EPCIP: variants seen among roughly 807,000 people sequenced by gnomAD.
The protein encoded by EPCIP is exosomal polycystin 1 interacting protein, also known as exosomal polycystin-1-interacting protein.
At chr21:32,791,908 C>CTT in the EPCIP span, among the ~76,000 whole-genome samples, 2 of 143,220 alleles carry the variant, frequency 1.4e-5, no homozygotes, top group African/African-American at 5.1e-5. Context: ...TTTTTCTTTT[C>CTT]TTTTTTTTTT....
the EPCIP span, among the ~76,000 whole-genome samples, chr21:32,805,360 A>ATT: frequency 4.8e-3 from 713 of 149,756 alleles, 4 homozygotes; most frequent in East Asian, 0.012. Context: ...TGTAGATTAT[A>ATT]TTTTTTTTTT....
the EPCIP span, among the ~76,000 whole-genome samples, chr21:32,801,141 C>A: frequency 3.3e-5 from 5 of 152,076 alleles, no homozygotes; most frequent in Non-Finnish European, 5.9e-5. Flanking sequence ...AGGCTGAATC[C>A]CTGAATGATT....
the EPCIP span, chr21:32,796,945 AT>A: frequency 4.2e-6 from 2 of 470,634 alleles, no homozygotes; most frequent in African/African-American, 4.0e-5. Flanking sequence ...TCAGGTGCTG[AT>A]CCTTTTAGAG....
the EPCIP span, among the ~76,000 whole-genome samples, chr21:32,802,368 C>T: frequency 6.6e-6 from 1 of 152,262 alleles, no homozygotes; most frequent in South Asian, 2.1e-4. Flanking sequence ...GCTTGCAAAC[C>T]TCCTGTGAGG....
At chr21:32,812,001 A>G in the EPCIP span, among the ~76,000 whole-genome samples, 5 of 152,310 alleles carry the variant, frequency 3.3e-5, no homozygotes, top group African/African-American at 1.2e-4. Flanking sequence ...TGGAATTCCC[A>G]GTCTCCAGAA....
At chr21:32,803,361 G>A in the EPCIP span, among the ~76,000 whole-genome samples, 2 of 152,208 alleles carry the variant, frequency 1.3e-5, no homozygotes, top group African/African-American at 4.8e-5. Context: ...GGAGTGTGGG[G>A]TGGAGACCCA....
chr21:32,807,346 TTTTGA>T, the EPCIP span, among the ~76,000 whole-genome samples: 1 of 148,800 alleles, frequency 6.7e-6, no homozygotes, highest in African/African-American at 2.6e-5. Context: ...TTTTTTTTTT[TTTTGA>T]GACAGAGTTT....
At chr21:32,811,974 TGCAG>T in the EPCIP span, among the ~76,000 whole-genome samples, 3 of 152,214 alleles carry the variant, frequency 2.0e-5, no homozygotes, top group Non-Finnish European at 4.4e-5. Flanking sequence ...CCTTGCCAGA[TGCAG>T]GCCCCTTGAC....
the EPCIP span, among the ~76,000 whole-genome samples, chr21:32,795,569 G>A: frequency 1.3e-5 from 2 of 152,212 alleles, no homozygotes; most frequent in Non-Finnish European, 2.9e-5. Flanking sequence ...TACTTGGCAT[G>A]CGACCTCTGA....
At chr21:32,800,693 G>A in the EPCIP span, among the ~76,000 whole-genome samples, 2 of 152,056 alleles carry the variant, frequency 1.3e-5, no homozygotes, top group Non-Finnish European at 2.9e-5. Flanking sequence ...GCATGTGCCT[G>A]TAATCCCAGC....
the EPCIP span, among the ~76,000 whole-genome samples, chr21:32,811,206 C>T: frequency 4.6e-5 from 7 of 151,786 alleles, no homozygotes; most frequent in Non-Finnish European, 1.0e-4. Context: ...TCTCGGCTCA[C>T]TGCAACCTCT....
the EPCIP span, among the ~76,000 whole-genome samples, chr21:32,805,600 G>A: frequency 4.6e-5 from 7 of 152,236 alleles, no homozygotes; most frequent in East Asian, 1.4e-3. Context: ...GACCTCAAGT[G>A]ATCTGCCTGC....
At chr21:32,806,978 C>T in the EPCIP span, among the ~76,000 whole-genome samples, 1 of 152,118 alleles carries the variant, frequency 6.6e-6, no homozygotes, top group African/African-American at 2.4e-5. Context: ...AGAGTGAGAG[C>T]CAAGTGAAAG....
the EPCIP span, among the ~76,000 whole-genome samples, chr21:32,809,275 C>CCCTCCCTCCTTT: frequency 3.4e-5 from 2 of 59,056 alleles, no homozygotes; most frequent in Non-Finnish European, 7.7e-5. Flanking sequence ...TTCCCTCCCT[C>CCCTCCCTCCTTT]CTTCCTTTCT....
At chr21:32,797,886 C>A in the EPCIP span, 1 of 152,186 alleles carries the variant, frequency 6.6e-6, no homozygotes, top group East Asian at 1.9e-4. Context: ...AATGTCTGTC[C>A]GTTCTTCATT....
the EPCIP span, among the ~76,000 whole-genome samples, chr21:32,808,017 A>G: frequency 1.3e-5 from 2 of 152,228 alleles, no homozygotes; most frequent in Non-Finnish European, 1.5e-5. Context: ...ATCTTATGCC[A>G]CACACCTTCC....
At chr21:32,810,063 A>G in the EPCIP span, among the ~76,000 whole-genome samples, 1 of 151,924 alleles carries the variant, frequency 6.6e-6, no homozygotes, top group Non-Finnish European at 1.5e-5. Flanking sequence ...CACCACCCCC[A>G]TACCAAATCC....
chr21:32,799,753 C>T, the EPCIP span, among the ~76,000 whole-genome samples: 6 of 152,254 alleles, frequency 3.9e-5, no homozygotes, highest in Non-Finnish European at 7.4e-5. Context: ...ACCGGCCTGG[C>T]CAACATGGGG....
chr21:32,793,144 A>T, the EPCIP span, among the ~76,000 whole-genome samples: 1 of 151,920 alleles, frequency 6.6e-6, no homozygotes, highest in Non-Finnish European at 1.5e-5. Context: ...TTTAGTAGAG[A>T]TGGGGTTTCT....
Sources: gnomAD v4.1 joint callset for allele counts (sites outside exome capture counted in the v4.1 genomes callset) on GRCh38, gnomAD v4.1.1 for gene constraint, MANE v1.5 for transcripts, NCBI Gene and HGNC (gene_info 2026-07-23, HGNC 2026-07-21) for gene names.